The following SH3GL3 variants were observed in gnomAD, a reference collection of about 807,000 sequenced individuals.
SH3GL3 encodes SH3 domain containing GRB2 like 3, endophilin A3, also known as endophilin-A3.
In SH3GL3, 33 loss-of-function variants were observed where a neutral mutation model predicts 47.7. The observed-to-expected ratio is 0.69, with a 90% CI of 0.52 to 0.92. The LOEUF (loss-of-function observed/expected upper bound fraction) is 0.92. Ranked by LOEUF, SH3GL3 falls within the 40% of genes least tolerant of loss-of-function variation. The probability of loss-of-function intolerance (pLI) is 0.00; values close to 1 mark genes in which losing one functional copy is unlikely to be tolerated. For missense variants in SH3GL3, 363 were observed against 417.8 expected (o/e 0.87, Z 1.14); for synonymous variants, 155 against 148.8 (o/e 1.04, Z -0.30).
chr15:83,546,659 A>G (rs2044414921), intron 1 of SH3GL3, among the ~76,000 whole-genome samples: 1 of 151,964 alleles, frequency 6.6e-6, no homozygotes. Context: ...CCAGCACAGT[A>G]CTGGGTCTTG....
chr15:83,579,401 G>T (rs1325058480), intron 6 of SH3GL3, among the ~76,000 whole-genome samples: 1 of 152,178 alleles, frequency 6.6e-6, no homozygotes, highest in Non-Finnish European at 1.5e-5. Context: ...TTCACAAGGA[G>T]GGGTTGTCTG....
At chr15:83,521,023 C>G (rs2043180039) in intron 1 of SH3GL3, among the ~76,000 whole-genome samples, 2 of 152,192 alleles carry the variant, frequency 1.3e-5, no homozygotes, top group Non-Finnish European at 2.9e-5. Context: ...TGAAGTGGAT[C>G]ATGCACCTGG....
At chr15:83,477,408 A>G (rs1381277611) in intron 1 of SH3GL3, among the ~76,000 whole-genome samples, 14 of 152,268 alleles carry the variant, frequency 9.2e-5, no homozygotes, top group Non-Finnish European at 1.5e-5. Flanking sequence ...CCAGAGCTCA[A>G]AAATTATTCT....
chr15:83,583,221 C>T (rs1385633659), intron 6 of SH3GL3, among the ~76,000 whole-genome samples: 3 of 152,206 alleles, frequency 2.0e-5, no homozygotes, highest in African/African-American at 7.2e-5. Context: ...GCATCAGCTA[C>T]TCACATCACA....
chr15:83,571,849 G>A (rs1179283674), intron 4 of SH3GL3, among the ~76,000 whole-genome samples: 1 of 152,174 alleles, frequency 6.6e-6, no homozygotes, highest in Non-Finnish European at 1.5e-5. Context: ...TCATTGTACA[G>A]AGAACTAGAG....
At chr15:83,599,905 C>T (rs928001091) in intron 8 of SH3GL3, among the ~76,000 whole-genome samples, 8 of 152,054 alleles carry the variant, frequency 5.3e-5, no homozygotes, top group South Asian at 2.1e-4. Flanking sequence ...AAGTTGATAT[C>T]GCATTGTGGT....
intron 1 of SH3GL3, among the ~76,000 whole-genome samples, chr15:83,507,496 A>C (rs944638596): frequency 2.7e-5 from 4 of 150,530 alleles, no homozygotes; most frequent in African/African-American, 7.3e-5. Context: ...GCTCACTGCA[A>C]CCCTGCCTCC....
At chr15:83,460,338 GCCATGCATT>G (rs1190355752) in intron 1 of SH3GL3, among the ~76,000 whole-genome samples, 1 of 151,808 alleles carries the variant, frequency 6.6e-6, no homozygotes, top group Non-Finnish European at 1.5e-5. Context: ...TTTTCTAAAA[GCCATGCATT>G]CCACTGCTCA....
chr15:83,602,872 T>C (rs1567029759), intron 8 of SH3GL3, among the ~76,000 whole-genome samples: 2 of 152,200 alleles, frequency 1.3e-5, no homozygotes, highest in African/African-American at 2.4e-5. Context: ...CAAGACCACA[T>C]TGTAAGTGGG....
At chr15:83,564,683 T>G (rs2045453276) in intron 2 of SH3GL3, among the ~76,000 whole-genome samples, 1 of 152,176 alleles carries the variant, frequency 6.6e-6, no homozygotes, top group Admixed American at 6.5e-5. Context: ...TACTAATGAT[T>G]ATGATTCTTT....
intron 1 of SH3GL3, among the ~76,000 whole-genome samples, chr15:83,528,761 T>C (rs1415735232): frequency 6.6e-6 from 1 of 152,212 alleles, no homozygotes. Context: ...TTACTGAGCT[T>C]CCTTAATAAC....
chr15:83,533,591 G>C (rs1892614615), intron 1 of SH3GL3, among the ~76,000 whole-genome samples: 1 of 152,198 alleles, frequency 6.6e-6, no homozygotes, highest in Non-Finnish European at 1.5e-5. Flanking sequence ...ATAATCACAA[G>C]TTGAATGCTG....
At chr15:83,468,052 G>A (rs377234303) in intron 1 of SH3GL3, among the ~76,000 whole-genome samples, 6 of 152,104 alleles carry the variant, frequency 3.9e-5, no homozygotes, top group Non-Finnish European at 7.4e-5. Context: ...GGATGGTCTC[G>A]ATCTCCTGAC....
intron 1 of SH3GL3, among the ~76,000 whole-genome samples, chr15:83,488,662 A>G (rs2041722958): frequency 6.6e-6 from 1 of 152,202 alleles, no homozygotes; most frequent in Non-Finnish European, 1.5e-5. Flanking sequence ...TATGATAAGT[A>G]CACAAATCTG....
intron 6 of SH3GL3, among the ~76,000 whole-genome samples, chr15:83,586,277 C>G (rs1329194601): frequency 6.6e-6 from 1 of 152,278 alleles, no homozygotes; most frequent in Middle Eastern, 3.4e-3. Context: ...AATTATACAG[C>G]CCCATATCAT....
chr15:83,511,925 G>C (rs979259661), intron 1 of SH3GL3, among the ~76,000 whole-genome samples: 3 of 152,158 alleles, frequency 2.0e-5, no homozygotes, highest in Admixed American at 1.3e-4. Flanking sequence ...AGGGGAGTTT[G>C]ACACTTGGAA....
At chr15:83,497,886 A>G (rs947335451) in intron 1 of SH3GL3, among the ~76,000 whole-genome samples, 3 of 152,206 alleles carry the variant, frequency 2.0e-5, no homozygotes, top group Non-Finnish European at 2.9e-5. Flanking sequence ...AACATCGTCT[A>G]CTATGATTCC....
At position 83,618,326 on chromosome 15, in the gene SH3GL3, A is replaced by C; in HGVS notation, c.*39A>C. The C allele has an allele frequency of 7.7e-7, 1 of 1,305,138 alleles. No homozygotes were observed. Among genetic ancestry groups the C allele is most frequent in the Non-Finnish European group, 1.1e-6 (1 of 897,944 alleles). The allele number at this position is 1,305,138 out of a possible 1,614,324, so 80.8% of individuals were successfully genotyped here. A position where few individuals can be genotyped will look rare whatever the true frequency, so the allele number is the denominator to read the frequency against. On this transcript the variant is annotated 3_prime_UTR_variant, in exon 9 of 9. Transcript: ENST00000427482. ...ACTCTGGACATACTTTCGTAACTGA[A>C]ATGAATTCACACCAGTGTGCTCTCA...
intron 8 of SH3GL3, among the ~76,000 whole-genome samples, chr15:83,603,019 T>G (rs1156827418): frequency 1.1e-4 from 16 of 152,034 alleles, no homozygotes; most frequent in Non-Finnish European, 1.5e-4. Flanking sequence ...CTTTTTTTTT[T>G]GAGATAGTCT....
Sources: allele counts gnomAD v4.1 joint callset (sites outside exome capture counted in the v4.1 genomes callset), GRCh38; gene constraint gnomAD v4.1.1; transcripts MANE v1.5; gene names NCBI Gene and HGNC (gene_info 2026-07-23, HGNC 2026-07-21).